OPRM1: variants seen among roughly 807,000 people sequenced by gnomAD.
The protein encoded by OPRM1 is mu-type opioid receptor.
Under a neutral mutation model 31.8 loss-of-function variants are expected in OPRM1, and 27 were observed. The ratio of observed to expected loss-of-function variants is 0.85; its 90% confidence interval spans 0.63 to 1.17. The LOEUF (loss-of-function observed/expected upper bound fraction) is 1.17, where lower values mean the gene tolerates loss of function less well. Among genes scored for constraint, OPRM1 ranks in the 50% most tolerant of loss-of-function variants. OPRM1 has a pLI of 0.00. For missense variants in OPRM1, 536 were observed against 511.1 expected (o/e 1.05, Z -0.47); for synonymous variants, 196 against 189.9 (o/e 1.03, Z -0.26).
chr6:154,090,437 A>G (rs1442002629), intron 2 of OPRM1, among the ~76,000 whole-genome samples: 1 of 152,236 alleles, frequency 6.6e-6, no homozygotes, highest in Non-Finnish European at 1.5e-5. Flanking sequence ...AATGGTGTGT[A>G]AATTAGTACA....
upstream of OPRM1, among the ~76,000 whole-genome samples, chr6:154,035,024 A>G (rs912828208): frequency 2.0e-5 from 3 of 152,218 alleles, no homozygotes; most frequent in African/African-American, 7.2e-5. Context: ...GCCACATACA[A>G]CAGGATATAA....
chr6:154,246,619 G>C, intron 3 of OPRM1: 1 of 1,613,692 alleles, frequency 6.2e-7, no homozygotes, highest in Non-Finnish European at 8.5e-7. Context: ...GTACAGTGAC[G>C]ACCCCTTCAG....
intron 3 of OPRM1, among the ~76,000 whole-genome samples, chr6:154,222,144 A>G (rs762175602): frequency 1.3e-5 from 2 of 152,240 alleles, no homozygotes; most frequent in African/African-American, 2.4e-5. Flanking sequence ...TTTGTTAGTA[A>G]AGGGAAATAT....
At chr6:154,048,676 C>T (rs905191981) in intron 1 of OPRM1, among the ~76,000 whole-genome samples, 1 of 152,198 alleles carries the variant, frequency 6.6e-6, no homozygotes, top group Non-Finnish European at 1.5e-5. Flanking sequence ...ATAATTTTCT[C>T]AATTCACTTT....
intron 3 of OPRM1, chr6:154,108,256 T>A (rs1417260313): frequency 2.7e-6 from 1 of 368,706 alleles, no homozygotes; most frequent in Non-Finnish European, 4.8e-6. Flanking sequence ...TAGCTTAAAT[T>A]TGCCCCCAGA....
intron 3 of OPRM1, chr6:154,159,821 C>CTT: frequency 6.2e-7 from 1 of 1,604,586 alleles, no homozygotes; most frequent in Non-Finnish European, 8.5e-7. Context: ...AAAACCCTGA[C>CTT]TTTGTCTCAA....
intron 3 of OPRM1, among the ~76,000 whole-genome samples, chr6:154,228,224 G>T (rs920398055): frequency 2.0e-5 from 3 of 151,826 alleles, no homozygotes; most frequent in African/African-American, 7.3e-5. Context: ...CCAGCGCTTT[G>T]GGAGGCCGAG....
chr6:154,237,877 T>G (rs888666482), intron 3 of OPRM1, among the ~76,000 whole-genome samples: 16 of 152,182 alleles, frequency 1.1e-4, no homozygotes, highest in Non-Finnish European at 1.9e-4. Flanking sequence ...TGTCAATACT[T>G]ATACATTTAT....
intron 1 of OPRM1, among the ~76,000 whole-genome samples, chr6:154,014,337 T>A (rs1777888625): frequency 6.6e-6 from 1 of 152,150 alleles, no homozygotes. Context: ...AGAAGCCAGT[T>A]AAGGATTATG....
intron 3 of OPRM1, among the ~76,000 whole-genome samples, chr6:154,234,323 C>T (rs1234835506): frequency 3.9e-5 from 6 of 152,200 alleles, no homozygotes; most frequent in Non-Finnish European, 5.9e-5. Context: ...TTTGGTTACC[C>T]ACAGTCACAC....
chr6:154,051,222 T>C (rs988760549), intron 1 of OPRM1, among the ~76,000 whole-genome samples: 124 of 152,210 alleles, frequency 8.1e-4, no homozygotes, highest in African/African-American at 2.8e-3. Context: ...TGGAAAAATT[T>C]ATTAAGCCAC....
chr6:154,031,113 CT>C (rs1232835795), intron 1 of OPRM1, among the ~76,000 whole-genome samples: 1 of 152,138 alleles, frequency 6.6e-6, no homozygotes, highest in African/African-American at 2.4e-5. Context: ...GTAGTTTAAT[CT>C]CATCAAAAGC....
rs80164380 is a variant in OPRM1 at position 154,084,877 on chromosome 6, A to G, written c.291-4949A>G. On this transcript the variant is annotated intron_variant, in intron 1 of 3. Coordinates refer to ENST00000330432, the MANE Select transcript of OPRM1 (RefSeq NM_000914.5). ...ATTGACTCTATTGTGAACTTATGAA[A>G]AAGGTAGTTGAGCAATATGAAGGCC... 7.1e-3 allele frequency among the ~76,000 whole-genome samples: 1,075 copies of G among 151,874 alleles called. 8 individuals carry two copies. The highest frequency in any genetic ancestry group is 0.025 in the African/African-American group (1,031 of 41,410).
At chr6:154,063,959 A>G (rs547397418) in intron 1 of OPRM1, among the ~76,000 whole-genome samples, 1 of 152,204 alleles carries the variant, frequency 6.6e-6, no homozygotes, top group African/African-American at 2.4e-5. Flanking sequence ...GAAGATGGGT[A>G]TATAAATATC....
At chr6:154,246,722 C>G in exon 4 of OPRM1, 1 of 1,614,062 alleles carries the variant, frequency 6.2e-7, no homozygotes, top group Non-Finnish European at 8.5e-7. Context: ...TGGCCCAGAT[C>G]TTTACACGAT....
chr6:154,228,395 C>A (rs995017295), intron 3 of OPRM1, among the ~76,000 whole-genome samples: 1 of 152,200 alleles, frequency 6.6e-6, no homozygotes, highest in African/African-American at 2.4e-5. Context: ...TGTTCTCCTG[C>A]CAGAGGTATC....
intron 3 of OPRM1, chr6:154,158,726 T>G (rs1798811891): frequency 6.6e-6 from 1 of 152,182 alleles, no homozygotes; most frequent in African/African-American, 2.4e-5. Context: ...AAGTATAGAC[T>G]CATCAAATAT....
chr6:154,068,542 T>C (rs1459654231), intron 1 of OPRM1, among the ~76,000 whole-genome samples: 8 of 152,174 alleles, frequency 5.3e-5, no homozygotes, highest in Admixed American at 5.2e-4. Context: ...GACTCCCTTC[T>C]TTTTTATGGC....
intron 3 of OPRM1, among the ~76,000 whole-genome samples, chr6:154,193,497 T>C (rs1318914620): frequency 1.3e-5 from 2 of 152,066 alleles, no homozygotes; most frequent in African/African-American, 4.8e-5. Context: ...CAAAAACCTA[T>C]GGAAATAACA....
Sources: allele counts gnomAD v4.1 joint callset (sites outside exome capture counted in the v4.1 genomes callset), GRCh38; gene constraint gnomAD v4.1.1; transcripts MANE v1.5; gene names NCBI Gene and HGNC (gene_info 2026-07-23, HGNC 2026-07-21).